Variants in NXPE2 observed in about 807,000 individuals in gnomAD.
The protein encoded by NXPE2 is neurexophilin and PC-esterase domain family member 2.
A neutral mutation model predicts 34.4 loss-of-function variants in NXPE2; 34 were observed. The ratio of observed to expected loss-of-function variants is 0.99; its 90% confidence interval spans 0.75 to 1.31. The LOEUF is 1.31. Ranked by LOEUF, NXPE2 falls within the 40% of genes most tolerant of loss-of-function variation. The pLI, the probability that NXPE2 is intolerant of heterozygous loss-of-function variation, is 0.00. For synonymous variants in NXPE2, 235 were observed against 231.3 expected (o/e 1.02, Z -0.15); for missense variants, 649 against 672.5 (o/e 0.97, Z 0.39).
the NXPE2 span, among the ~76,000 whole-genome samples, chr11:114,802,691 A>C: frequency 1.3e-4 from 20 of 152,150 alleles, no homozygotes; most frequent in African/African-American, 3.9e-4. Context: ...TTGAAATTTG[A>C]GTCTAATTCC....
the NXPE2 span, among the ~76,000 whole-genome samples, chr11:114,752,519 T>C: frequency 1.3e-5 from 2 of 152,132 alleles, no homozygotes; most frequent in African/African-American, 2.4e-5. Flanking sequence ...ATTGAGCAAA[T>C]ATAAATAGTC....
chr11:114,580,073 T>C, the NXPE2 span: 1 of 1,411,854 alleles, frequency 7.1e-7, no homozygotes, highest in Non-Finnish European at 1.0e-6. Context: ...CTTCTCCCCT[T>C]TGAAATGGAA....
At chr11:114,760,580 A>G in the NXPE2 span, among the ~76,000 whole-genome samples, 1 of 152,182 alleles carries the variant, frequency 6.6e-6, no homozygotes, top group Admixed American at 6.5e-5. Flanking sequence ...TATTTATCCA[A>G]GACAAAGGGA....
the NXPE2 span, among the ~76,000 whole-genome samples, chr11:114,635,264 T>C: frequency 2.7e-5 from 4 of 150,140 alleles, no homozygotes; most frequent in African/African-American, 9.8e-5. Context: ...GGCTCTCTGT[T>C]TGTCTGTTGT....
At chr11:114,568,132 T>C in the NXPE2 span, among the ~76,000 whole-genome samples, 1 of 152,206 alleles carries the variant, frequency 6.6e-6, no homozygotes, top group Non-Finnish European at 1.5e-5. Context: ...TGAATGTATC[T>C]TTCTATCTGA....
the NXPE2 span, among the ~76,000 whole-genome samples, chr11:114,756,386 G>GA: frequency 1.3e-5 from 2 of 151,912 alleles, no homozygotes; most frequent in South Asian, 4.2e-4. Flanking sequence ...AGGATCAAAT[G>GA]AAAAAAGGTA....
chr11:114,665,836 C>G, the NXPE2 span, among the ~76,000 whole-genome samples: 1 of 152,112 alleles, frequency 6.6e-6, no homozygotes, highest in South Asian at 2.1e-4. Flanking sequence ...CTACTTGAAG[C>G]TAATTAAAGG....
At chr11:114,634,342 C>T in the NXPE2 span, among the ~76,000 whole-genome samples, 1 of 151,784 alleles carries the variant, frequency 6.6e-6, no homozygotes. Flanking sequence ...TGTTTGAGTT[C>T]ATTGTAGATT....
the NXPE2 span, among the ~76,000 whole-genome samples, chr11:114,663,664 TATC>T: frequency 4.1e-3 from 450 of 110,774 alleles, 3 homozygotes; most frequent in African/African-American, 0.014. Context: ...TCTATTTATC[TATC>T]ATCTATCTAT....
the NXPE2 span, among the ~76,000 whole-genome samples, chr11:114,464,278 A>G: frequency 6.6e-6 from 1 of 152,004 alleles, no homozygotes; most frequent in African/African-American, 2.4e-5. Flanking sequence ...ATGCTTGACA[A>G]ATTTTTTAAT....
chr11:114,554,232 C>A, the NXPE2 span: 3 of 975,524 alleles, frequency 3.1e-6, no homozygotes, highest in Non-Finnish European at 3.7e-6. Flanking sequence ...AGATACACAA[C>A]CTTTCCTGGC....
chr11:114,782,730 C>A, the NXPE2 span, among the ~76,000 whole-genome samples: 2 of 152,184 alleles, frequency 1.3e-5, no homozygotes, highest in Non-Finnish European at 2.9e-5. Flanking sequence ...AGATAAATTT[C>A]TCTTCATCAG....
the NXPE2 span, among the ~76,000 whole-genome samples, chr11:114,474,799 T>G: frequency 6.6e-6 from 1 of 152,208 alleles, no homozygotes; most frequent in African/African-American, 2.4e-5. Flanking sequence ...GTATTTTGTT[T>G]AATGAGGAAT....
the NXPE2 span, among the ~76,000 whole-genome samples, chr11:114,787,839 C>A: frequency 2.0e-5 from 3 of 152,098 alleles, no homozygotes; most frequent in African/African-American, 4.8e-5. Context: ...TGCCCGTGTC[C>A]ATCCCCCATT....
At chr11:114,490,799 C>G in the NXPE2 span, among the ~76,000 whole-genome samples, 2 of 152,224 alleles carry the variant, frequency 1.3e-5, no homozygotes, top group Admixed American at 1.3e-4. Context: ...TGGGCAAGGA[C>G]TTCATGTCTA....
chr11:114,768,212 G>A, the NXPE2 span, among the ~76,000 whole-genome samples: 11 of 152,270 alleles, frequency 7.2e-5, no homozygotes, highest in Non-Finnish European at 1.3e-4. Context: ...TCAAAGATCC[G>A]ATGGTTGTAG....
At chr11:114,508,780 C>A in the NXPE2 span, among the ~76,000 whole-genome samples, 1 of 151,972 alleles carries the variant, frequency 6.6e-6, no homozygotes, top group African/African-American at 2.4e-5. Flanking sequence ...TGTAAAACCC[C>A]AAACTATAAA....
the NXPE2 span, among the ~76,000 whole-genome samples, chr11:114,798,734 T>G: frequency 6.6e-6 from 1 of 152,218 alleles, no homozygotes; most frequent in Non-Finnish European, 1.5e-5. Flanking sequence ...ATAAACCATA[T>G]CTCTTTCATG....
chr11:114,636,058 A>T, the NXPE2 span, among the ~76,000 whole-genome samples: 6 of 150,072 alleles, frequency 4.0e-5, no homozygotes, highest in African/African-American at 1.5e-4. Context: ...TCCTCCTTGT[A>T]CCTCTGGTAG....
Sources: gnomAD v4.1 joint callset for allele counts (sites outside exome capture counted in the v4.1 genomes callset) on GRCh38, gnomAD v4.1.1 for gene constraint, MANE v1.5 for transcripts, NCBI Gene and HGNC (gene_info 2026-07-23, HGNC 2026-07-21) for gene names.